ATAD2B: variants seen among roughly 807,000 people sequenced by gnomAD.
ATAD2B encodes the protein ATPase family AAA domain-containing protein 2B.
ATAD2B carries 40 observed loss-of-function variants against 167.6 expected under a neutral mutation model. The observed-to-expected ratio is 0.24, with a 90% CI of 0.19 to 0.31. ATAD2B has a LOEUF of 0.31. Among genes scored for constraint, ATAD2B ranks in the 10% least tolerant of loss-of-function variants. The pLI, the probability that ATAD2B is intolerant of heterozygous loss-of-function variation, is 1.00. For missense variants in ATAD2B, 1,242 were observed against 1,757.2 expected, an observed-to-expected ratio of 0.71 and a Z score of 5.24; for synonymous variants, 579 against 596.5, an observed-to-expected ratio of 0.97 and a Z score of 0.43.
chr2:23,824,695 C>T (rs2149673811), intron 15 of ATAD2B, among the ~76,000 whole-genome samples: 1 of 152,248 alleles, frequency 6.6e-6, no homozygotes, highest in Non-Finnish European at 1.5e-5. Flanking sequence ...TACAATCAAA[C>T]AACAGATCAA....
intron 1 of ATAD2B, 88 bp downstream of exon 1, chr2:23,926,467 G>C: frequency 2.0e-6 from 3 of 1,485,492 alleles, no homozygotes; most frequent in Middle Eastern, 2.4e-4. Flanking sequence ...CTCCACTGTA[G>C]GCTTCCTACC....
chr2:23,903,237 AAAATAAATAAAT>A (rs3029919), intron 1 of ATAD2B, among the ~76,000 whole-genome samples: 3 of 145,558 alleles, frequency 2.1e-5, no homozygotes, highest in Admixed American at 1.4e-4. Flanking sequence ...CTGTGTCTCA[AAAATAAATAAAT>A]AAATAAATAA....
the ATAD2B span, chr2:23,690,477 C>T: frequency 6.6e-6 from 1 of 152,288 alleles, no homozygotes; most frequent in Admixed American, 6.5e-5. Context: ...TCGACAGCCC[C>T]ACCGCCAGCC....
chr2:23,878,008 T>C (rs1697199967), intron 7 of ATAD2B, among the ~76,000 whole-genome samples: 1 of 22,696 alleles, frequency 4.4e-5, no homozygotes, highest in Non-Finnish European at 7.6e-5. Context: ...TGACCCTATC[T>C]CCAAAGAAAA....
intron 20 of ATAD2B, among the ~76,000 whole-genome samples, chr2:23,786,704 A>G (rs1211797903): frequency 1.3e-5 from 2 of 152,148 alleles, no homozygotes; most frequent in Non-Finnish European, 2.9e-5. Flanking sequence ...TTTGCACAGA[A>G]ACAAAAAGGG....
the ATAD2B span, among the ~76,000 whole-genome samples, chr2:23,686,913 T>C: frequency 6.6e-6 from 1 of 152,138 alleles, no homozygotes; most frequent in Admixed American, 6.5e-5. Flanking sequence ...AGAGCACACA[T>C]GACCAAGAAG....
rs559169778 is a variant in ATAD2B at position 23,841,516 on chromosome 2, T to G, written c.1569-7438A>C. 1.2e-3 allele frequency among the ~76,000 whole-genome samples: 185 copies of G among 152,116 alleles called. 1 individual carries two copies. Among genetic ancestry groups the G allele is most frequent in the African/African-American group, 4.4e-3 (181 of 41,504 alleles). On this transcript the variant is annotated intron_variant, in intron 13 of 27. Transcript: ENST00000238789. ...CATGGTGTGGCATGTGTCAGAATTT[T>G]TTTCTTTTCTTTGTGGAGGGATGGG... is the stretch of plus-strand genomic sequence containing the variant.
intron 19 of ATAD2B, among the ~76,000 whole-genome samples, chr2:23,790,070 T>C (rs1267931748): frequency 6.6e-6 from 1 of 152,216 alleles, no homozygotes; most frequent in African/African-American, 2.4e-5. Flanking sequence ...ACTACCTTCA[T>C]GCACAGTTCC....
intron 21 of ATAD2B, among the ~76,000 whole-genome samples, chr2:23,784,840 C>A (rs534793431): frequency 6.6e-6 from 1 of 152,030 alleles, no homozygotes; most frequent in East Asian, 1.9e-4. Flanking sequence ...TAGGCATGTC[C>A]TGTTATCCCA....
At chr2:23,889,323 A>G (rs1041655313) in intron 2 of ATAD2B, among the ~76,000 whole-genome samples, 3 of 151,904 alleles carry the variant, frequency 2.0e-5, no homozygotes, top group Non-Finnish European at 4.4e-5. Context: ...ACGTGCCACC[A>G]TGTCCGGCTA....
At chr2:23,859,713 C>T (rs942338324) in intron 12 of ATAD2B, among the ~76,000 whole-genome samples, 3 of 151,888 alleles carry the variant, frequency 2.0e-5, no homozygotes, top group African/African-American at 7.3e-5. Context: ...TTTGGGAGGT[C>T]GAGACAGGCG....
At chr2:23,891,268 C>A (rs1699444370) in intron 2 of ATAD2B, among the ~76,000 whole-genome samples, 1 of 152,078 alleles carries the variant, frequency 6.6e-6, no homozygotes, top group South Asian at 2.1e-4. Context: ...GATCCACCCG[C>A]CTTGGCCTCC....
chr2:23,812,701 A>C (rs898512575), intron 17 of ATAD2B, among the ~76,000 whole-genome samples: 1 of 152,154 alleles, frequency 6.6e-6, no homozygotes, highest in Admixed American at 6.5e-5. Flanking sequence ...GTCTCTACTA[A>C]AAATACAAAA....
At chr2:23,879,199 C>T (rs1239243154) in intron 7 of ATAD2B, among the ~76,000 whole-genome samples, 4 of 151,848 alleles carry the variant, frequency 2.6e-5, no homozygotes, top group African/African-American at 9.7e-5. Context: ...ATGTTCATCA[C>T]AACTTTATTT....
downstream of ATAD2B, among the ~76,000 whole-genome samples, chr2:23,746,027 G>GT (rs958688486): frequency 2.0e-5 from 3 of 152,148 alleles, no homozygotes; most frequent in African/African-American, 7.2e-5. Flanking sequence ...CTATGCTTCT[G>GT]TTGTTCCTTC....
chr2:23,820,249 T>G (rs1038368395), intron 16 of ATAD2B, among the ~76,000 whole-genome samples: 5 of 152,192 alleles, frequency 3.3e-5, no homozygotes, highest in Non-Finnish European at 7.4e-5. Flanking sequence ...TTTGGTTTAA[T>G]TAGTAGGTTA....
chr2:23,743,118 G>A, the ATAD2B span, among the ~76,000 whole-genome samples: 2 of 148,782 alleles, frequency 1.3e-5, no homozygotes, highest in Non-Finnish European at 3.0e-5. Context: ...TTCAGTGCAA[G>A]AGAAAGGTGA....
chr2:23,769,313 C>T (rs1027124807), intron 22 of ATAD2B, among the ~76,000 whole-genome samples: 2 of 152,022 alleles, frequency 1.3e-5, no homozygotes, highest in East Asian at 1.9e-4. Flanking sequence ...TGGAGGCAGG[C>T]GCCTGTAATC....
At chr2:23,870,674 G>GT (rs1032355219) in intron 8 of ATAD2B, among the ~76,000 whole-genome samples, 126 of 145,810 alleles carry the variant, frequency 8.6e-4, no homozygotes, top group Middle Eastern at 3.5e-3. Flanking sequence ...AAAAAGTTTG[G>GT]TTTTTTTTTT....
Sources: allele counts gnomAD v4.1 joint callset (sites outside exome capture counted in the v4.1 genomes callset), GRCh38; gene constraint gnomAD v4.1.1; transcripts MANE v1.5; gene names NCBI Gene and HGNC (gene_info 2026-07-23, HGNC 2026-07-21).